DCC: variants seen among roughly 807,000 people sequenced by gnomAD.
The protein encoded by DCC is DCC netrin 1 receptor.
DCC carries 58 observed loss-of-function variants against 172.5 expected under a neutral mutation model. That is an observed-to-expected ratio of 0.34 (90% CI 0.27 to 0.42). DCC has a LOEUF of 0.42. Among genes scored for constraint, DCC ranks in the 10% least tolerant of loss-of-function variants. The pLI is 1.00. For missense variants in DCC, 1,740 were observed against 1,791.0 expected (o/e 0.97, Z 0.51); for synonymous variants, 709 against 644.5 (o/e 1.10, Z -1.52).
intron 5 of DCC, among the ~76,000 whole-genome samples, chr18:52,996,965 A>G (rs4939717): frequency 0.11 from 16,982 of 151,994 alleles, 1,377 homozygotes; most frequent in East Asian, 0.31. Flanking sequence ...TGGTCCGTCA[A>G]TTTATCTCTT....
chr18:52,485,906 C>G (rs544052667), intron 1 of DCC, among the ~76,000 whole-genome samples: 9 of 152,026 alleles, frequency 5.9e-5, no homozygotes, highest in African/African-American at 2.2e-4. Flanking sequence ...TCATAAATAT[C>G]ATATAATTTT....
At chr18:52,453,131 C>T (rs1354912041) in intron 1 of DCC, among the ~76,000 whole-genome samples, 2 of 152,314 alleles carry the variant, frequency 1.3e-5, no homozygotes, top group South Asian at 2.1e-4. Context: ...CATATAGCTA[C>T]CCTCAAATAA....
chr18:52,888,477 C>G (rs2039600548), intron 2 of DCC, among the ~76,000 whole-genome samples: 1 of 152,008 alleles, frequency 6.6e-6, no homozygotes, highest in Admixed American at 6.6e-5. Flanking sequence ...TGGACAAGTT[C>G]AAGGTTTATA....
intron 27 of DCC, among the ~76,000 whole-genome samples, chr18:53,522,092 T>C (rs562193505): frequency 6.6e-6 from 1 of 152,250 alleles, no homozygotes; most frequent in African/African-American, 2.4e-5. Context: ...ATGCCTCTTT[T>C]TAAAGCTTTT....
intron 15 of DCC, among the ~76,000 whole-genome samples, chr18:53,357,109 T>C (rs887224046): frequency 6.6e-6 from 1 of 152,174 alleles, no homozygotes; most frequent in African/African-American, 2.4e-5. Context: ...TGGAGTTCTT[T>C]AATAAGTGAT....
intron 1 of DCC, among the ~76,000 whole-genome samples, chr18:52,607,958 G>GC (rs1314959858): frequency 6.6e-6 from 1 of 152,152 alleles, no homozygotes; most frequent in Non-Finnish European, 1.5e-5. Context: ...AGCAATGTGT[G>GC]TTGGGCATAA....
At chr18:53,333,573 T>C (rs2057557104) in intron 14 of DCC, among the ~76,000 whole-genome samples, 2 of 152,086 alleles carry the variant, frequency 1.3e-5, no homozygotes, top group South Asian at 2.1e-4. Flanking sequence ...GTATCCAGTG[T>C]AGAGTAGATG....
chr18:53,054,054 G>A (rs1460281714), intron 5 of DCC, among the ~76,000 whole-genome samples: 1 of 152,018 alleles, frequency 6.6e-6, no homozygotes, highest in Non-Finnish European at 1.5e-5. Flanking sequence ...ATCTGTGAAT[G>A]CTCAAATTCC....
chr18:52,932,252 T>C (rs1331052573), intron 5 of DCC, among the ~76,000 whole-genome samples: 2 of 152,180 alleles, frequency 1.3e-5, no homozygotes, highest in Non-Finnish European at 2.9e-5. Flanking sequence ...AATCTGACTA[T>C]AATTGTGAAC....
chr18:53,272,190 T>A (rs1369557152), intron 12 of DCC, among the ~76,000 whole-genome samples: 2 of 152,268 alleles, frequency 1.3e-5, no homozygotes, highest in South Asian at 4.1e-4. Flanking sequence ...TACATGTCTG[T>A]TTAGCTGAGT....
chr18:53,144,352 A>G (rs1204089478), intron 7 of DCC, among the ~76,000 whole-genome samples: 1 of 152,144 alleles, frequency 6.6e-6, no homozygotes, highest in Non-Finnish European at 1.5e-5. Flanking sequence ...ATAAAGACAT[A>G]CTTGAGACTG....
intron 1 of DCC, among the ~76,000 whole-genome samples, chr18:52,456,873 T>C (rs1223449035): frequency 1.3e-5 from 2 of 152,154 alleles, no homozygotes; most frequent in Non-Finnish European, 2.9e-5. Context: ...GTCTGAGGTC[T>C]TTCCAATGTA....
At chr18:52,488,587 T>C (rs1424545971) in intron 1 of DCC, among the ~76,000 whole-genome samples, 1 of 152,134 alleles carries the variant, frequency 6.6e-6, no homozygotes, top group Non-Finnish European at 1.5e-5. Context: ...GAGATCTTCT[T>C]GTGAACTGGC....
At chr18:53,483,661 AT>A (rs958881532) in intron 25 of DCC, among the ~76,000 whole-genome samples, 3 of 151,428 alleles carry the variant, frequency 2.0e-5, no homozygotes, top group Non-Finnish European at 3.0e-5. Context: ...TATCTATCTT[AT>A]TTTTTTGCAG....
chr18:52,781,943 C>A (rs959246334), intron 2 of DCC, among the ~76,000 whole-genome samples: 1 of 152,068 alleles, frequency 6.6e-6, no homozygotes, highest in Non-Finnish European at 1.5e-5. Context: ...AAGAGAATGA[C>A]TTTCTTCATT....
chr18:52,764,919 T>C (rs999371814), intron 2 of DCC, among the ~76,000 whole-genome samples: 1 of 152,170 alleles, frequency 6.6e-6, no homozygotes, highest in African/African-American at 2.4e-5. Flanking sequence ...TCAGACCCCA[T>C]AGAGTCACAT....
intron 9 of DCC, among the ~76,000 whole-genome samples, chr18:53,196,855 G>T (rs2055450556): frequency 6.6e-6 from 1 of 152,014 alleles, no homozygotes; most frequent in South Asian, 2.1e-4. Context: ...AGACTCCTGT[G>T]GTTTTGTAAT....
intron 12 of DCC, among the ~76,000 whole-genome samples, chr18:53,250,686 C>T (rs2056419798): frequency 6.6e-6 from 1 of 151,878 alleles, no homozygotes; most frequent in South Asian, 2.1e-4. Flanking sequence ...ATATCTTTAA[C>T]TGCCCACTCA....
At chr18:52,787,551 T>G (rs1171911068) in intron 2 of DCC, among the ~76,000 whole-genome samples, 4 of 151,820 alleles carry the variant, frequency 2.6e-5, no homozygotes, top group Non-Finnish European at 5.9e-5. Flanking sequence ...TATCTTAGTA[T>G]TATTCACTAA....
Sources: gnomAD v4.1 joint callset for allele counts (sites outside exome capture counted in the v4.1 genomes callset) on GRCh38, gnomAD v4.1.1 for gene constraint, MANE v1.5 for transcripts, NCBI Gene and HGNC (gene_info 2026-07-23, HGNC 2026-07-21) for gene names.